PDE5A: variants seen among roughly 807,000 people sequenced by gnomAD.
The protein encoded by PDE5A is cGMP-specific 3',5'-cyclic phosphodiesterase.
A neutral mutation model predicts 110.2 loss-of-function variants in PDE5A; 67 were observed. The ratio of observed to expected loss-of-function variants is 0.61; its 90% CI spans 0.50 to 0.75. PDE5A has a LOEUF of 0.75. PDE5A is among the 30% of genes least tolerant of loss of function. The pLI, the probability that PDE5A is intolerant of heterozygous loss-of-function variation, is 0.00. For missense variants in PDE5A, 862 were observed against 1,045.1 expected (o/e 0.82, Z 2.42); for synonymous variants, 328 against 351.2 (o/e 0.93, Z 0.74).
At chr4:119,610,901 C>T (rs1363366002) in intron 1 of PDE5A, among the ~76,000 whole-genome samples, 6 of 152,152 alleles carry the variant, frequency 3.9e-5, no homozygotes, top group African/African-American at 1.4e-4. Context: ...CTTGCAATCC[C>T]ATTCTCCACA....
chr4:119,575,250 G>A (rs544305554), intron 3 of PDE5A, among the ~76,000 whole-genome samples: 14 of 152,158 alleles, frequency 9.2e-5, no homozygotes, highest in Admixed American at 5.9e-4. Context: ...GAACCAAGTT[G>A]GAAAACACTC....
chr4:119,539,728 G>T (rs1160917675), intron 10 of PDE5A, among the ~76,000 whole-genome samples: 1 of 152,026 alleles, frequency 6.6e-6, no homozygotes, highest in East Asian at 1.9e-4. Flanking sequence ...ACCTATACAC[G>T]TTCCATTACT....
intron 9 of PDE5A, chr4:119,549,488 T>C (rs1037527946): frequency 4.6e-5 from 7 of 152,224 alleles, no homozygotes; most frequent in Non-Finnish European, 7.3e-5. Flanking sequence ...TACAGCACTG[T>C]AATTTTTATT....
chr4:119,595,764 G>C (rs1337099299), intron 3 of PDE5A, among the ~76,000 whole-genome samples: 1 of 152,100 alleles, frequency 6.6e-6, no homozygotes. Flanking sequence ...GGGACCTCTT[G>C]GTCTCCATAA....
chr4:119,512,414 T>A (rs796794944), intron 14 of PDE5A: 1 of 151,978 alleles, frequency 6.6e-6, no homozygotes, highest in Non-Finnish European at 1.5e-5. Context: ...ATGAACAGAG[T>A]AACAGGACTA....
intron 3 of PDE5A, among the ~76,000 whole-genome samples, chr4:119,585,458 G>A (rs1429736428): frequency 2.6e-5 from 4 of 151,760 alleles, no homozygotes; most frequent in Non-Finnish European, 4.4e-5. Context: ...AGTCTATATC[G>A]CTTCTCCTCT....
intron 3 of PDE5A, among the ~76,000 whole-genome samples, chr4:119,586,797 T>C (rs528057794): frequency 1.3e-5 from 2 of 152,338 alleles, no homozygotes; most frequent in East Asian, 3.9e-4. Context: ...AAATTACCAA[T>C]GAAGATAAGC....
intron 18 of PDE5A, among the ~76,000 whole-genome samples, chr4:119,504,001 G>C (rs1365697684): frequency 6.6e-6 from 1 of 151,962 alleles, no homozygotes; most frequent in Non-Finnish European, 1.5e-5. Context: ...TGGTATATAT[G>C]TATATTGTGT....
chr4:119,616,422 A>T (rs970080211), intron 1 of PDE5A, among the ~76,000 whole-genome samples: 5 of 152,182 alleles, frequency 3.3e-5, no homozygotes, highest in Admixed American at 3.3e-4. Flanking sequence ...CTCTTTACAC[A>T]ATGAATCAAA....
At position 119,596,585 on chromosome 4, in the gene PDE5A, G is replaced by T; in HGVS notation, c.769C>A (p.Gln257Lys). Residue 257 changes from glutamine (Q) to lysine (K), a missense_variant, in exon 3 of 21, where the codon CAA becomes AAA. Coordinates refer to ENST00000354960, the MANE Select transcript of PDE5A (RefSeq NM_001083.4). ...CTTTGTGTCTTGTAGCCTGTAATTT[G>T]GTCAACTTCTGCATTGAACCGAGGA... ...EDPRFNAEVD[Q>K]ITGYKTQSIL... 6.3e-7 allele frequency: 1 copy of T among 1,597,788 alleles called. No individual in the cohort carries two copies. Among genetic ancestry groups the T allele is most frequent in the Non-Finnish European group, 8.5e-7 (1 of 1,171,044 alleles).
At chr4:119,504,256 A>G (rs1032120203) in intron 18 of PDE5A, among the ~76,000 whole-genome samples, 1 of 152,046 alleles carries the variant, frequency 6.6e-6, no homozygotes, top group African/African-American at 2.4e-5. Context: ...TCCAGCTCCA[A>G]TCATGTTGCT....
intron 8 of PDE5A, 37 bp from the exon 9 acceptor site, chr4:119,552,674 G>A: frequency 8.8e-7 from 1 of 1,133,294 alleles, no homozygotes. Flanking sequence ...AGCTAAAATG[G>A]TAAAGAGATT....
chr4:119,574,646 A>T (rs1728267086), intron 3 of PDE5A, among the ~76,000 whole-genome samples: 1 of 152,160 alleles, frequency 6.6e-6, no homozygotes, highest in African/African-American at 2.4e-5. Flanking sequence ...AACTCTAAGA[A>T]ACAAAGACAA....
At chr4:119,517,188 A>AT (rs1487059742) in intron 14 of PDE5A, 2 of 151,838 alleles carry the variant, frequency 1.3e-5, no homozygotes, top group African/African-American at 4.8e-5. Context: ...CCACATGACC[A>AT]TTTTTCTCTT....
chr4:119,556,386 G>A (rs1210853447), intron 7 of PDE5A, among the ~76,000 whole-genome samples: 3 of 152,106 alleles, frequency 2.0e-5, no homozygotes, highest in Admixed American at 2.0e-4. Context: ...GACTGGAGCT[G>A]CATCCTTGAC....
chr4:119,542,440 G>C lies in PDE5A; in HGVS notation c.1572+19C>G. The C allele has an allele frequency of 6.2e-7, 1 of 1,610,826 alleles. No homozygotes were observed. The highest frequency in any genetic ancestry group is 8.5e-7 in the Non-Finnish European group (1 of 1,177,506). On this transcript the variant is annotated intron_variant, in intron 10 of 20. Transcript: ENST00000354960. Reference sequence around the variant, plus strand: ...AGGGTTTGGCTGTACAGTGTGAGAGGTCCCTAAACTTCACCCACCTCCAAT... The same window carrying C: ...AGGGTTTGGCTGTACAGTGTGAGAGCTCCCTAAACTTCACCCACCTCCAAT...
intron 1 of PDE5A, among the ~76,000 whole-genome samples, chr4:119,625,508 A>C (rs1441263309): frequency 6.6e-6 from 1 of 152,158 alleles, no homozygotes; most frequent in Non-Finnish European, 1.5e-5. Flanking sequence ...ATGAATGTCG[A>C]ATGACAACAA....
chr4:119,553,629 G>A lies in PDE5A; in HGVS notation c.1308+9C>T, dbSNP rs200908387. On this transcript the variant is annotated intron_variant, in intron 8 of 20. Transcript: ENST00000354960. Reference sequence around the variant, plus strand: ...CTTCTAGCTTCAAGTCTAAAATTGGGTTACTTACTGTCCAGGGAAATCTTT... The same window carrying A: ...CTTCTAGCTTCAAGTCTAAAATTGGATTACTTACTGTCCAGGGAAATCTTT... 10 of 1,377,906 alleles carry A rather than the reference G, an allele frequency of 7.3e-6. No individual in the cohort carries two copies. The highest frequency in any genetic ancestry group is 1.0e-5 in the Non-Finnish European group (10 of 964,822). The allele number at this position is 1,377,906 out of a possible 1,614,324, so 85.4% of individuals were successfully genotyped here.
At position 119,542,514 on chromosome 4, in the gene PDE5A, G is replaced by A. The variant is rs758865632; in HGVS notation, c.1517C>T (p.Thr506Met). The A allele has an allele frequency of 6.2e-6, 10 of 1,613,780 alleles. No individual in the cohort carries two copies. The East Asian group carries it at 1.1e-4, about 18-fold the overall frequency. ...VIFCGLGIQN[T>M]QMYEAVERAM... ...TCTCTCCACTGCTTCATACATCTGC[G>A]TGTTCTGGATCCCCAAGCCACAAAA... The change falls in exon 10 of 21, where the codon ACG becomes ATG. Residue 506 changes from threonine (T) to methionine (M), a missense_variant. Transcript: ENST00000354960.
Sources: gnomAD v4.1 joint callset for allele counts (sites outside exome capture counted in the v4.1 genomes callset) on GRCh38, gnomAD v4.1.1 for gene constraint, MANE v1.5 for transcripts, NCBI Gene and HGNC (gene_info 2026-07-23, HGNC 2026-07-21) for gene names.